PHF21A: variants seen among roughly 807,000 people sequenced by gnomAD.
PHF21A encodes the protein BHC80a.
A neutral mutation model predicts 82.5 loss-of-function variants in PHF21A; 11 were observed. The ratio of observed to expected loss-of-function variants is 0.13; its 90% confidence interval spans 0.08 to 0.22. The LOEUF (loss-of-function observed/expected upper bound fraction) is 0.22, where lower values mean the gene tolerates loss of function less well. Ranked by LOEUF, PHF21A falls within the 10% of genes least tolerant of loss-of-function variation. PHF21A has a pLI of 1.00. For missense variants in PHF21A, 579 were observed against 837.8 expected (o/e 0.69, Z 3.81); for synonymous variants, 297 against 302.8 (o/e 0.98, Z 0.20).
At chr11:46,109,943 T>A (rs1416451670) in intron 1 of PHF21A, among the ~76,000 whole-genome samples, 2 of 147,830 alleles carry the variant, frequency 1.4e-5, no homozygotes, top group Non-Finnish European at 3.0e-5. Flanking sequence ...ATGGCCCCCC[T>A]GCACTCCAGC....
intron 6 of PHF21A, among the ~76,000 whole-genome samples, chr11:45,985,159 C>G (rs1199043279): frequency 6.6e-6 from 1 of 151,922 alleles, no homozygotes; most frequent in Non-Finnish European, 1.5e-5. Flanking sequence ...AGAACTTACT[C>G]AAAGAGGAAA....
intron 6 of PHF21A, among the ~76,000 whole-genome samples, chr11:46,038,918 G>A (rs1592334155): frequency 6.6e-6 from 1 of 152,092 alleles, no homozygotes; most frequent in East Asian, 1.9e-4. Flanking sequence ...ATGAAACTTG[G>A]GGGACACATT....
At chr11:45,958,447 T>TACACACACACAC (rs1201890167) in intron 10 of PHF21A, among the ~76,000 whole-genome samples, 12 of 21,486 alleles carry the variant, frequency 5.6e-4, no homozygotes, top group African/African-American at 1.5e-3. Context: ...TATATATATA[T>TACACACACACAC]ATACACACAC....
intron 10 of PHF21A, among the ~76,000 whole-genome samples, chr11:45,956,507 G>A (rs2092650873): frequency 6.6e-6 from 1 of 152,066 alleles, no homozygotes; most frequent in Non-Finnish European, 1.5e-5. Context: ...TGAGGGTACA[G>A]TGCAGGTTTG....
chr11:46,078,526 T>C (rs2096754624), intron 5 of PHF21A, among the ~76,000 whole-genome samples: 1 of 152,100 alleles, frequency 6.6e-6, no homozygotes, highest in Non-Finnish European at 1.5e-5. Flanking sequence ...AAATAGAGAA[T>C]AAAATGCCTA....
At chr11:46,042,894 T>C (rs2096181097) in intron 6 of PHF21A, among the ~76,000 whole-genome samples, 1 of 151,896 alleles carries the variant, frequency 6.6e-6, no homozygotes, top group African/African-American at 2.4e-5. Flanking sequence ...GCCTCCAGAG[T>C]TGTAAGCAAT....
intron 6 of PHF21A, among the ~76,000 whole-genome samples, chr11:45,990,654 T>C (rs929719879): frequency 1.1e-4 from 17 of 152,136 alleles, no homozygotes; most frequent in African/African-American, 3.4e-4. Flanking sequence ...AGCAAAAGTA[T>C]TGACATGCAT....
rs941615240 is a variant in PHF21A at position 45,930,915 on chromosome 11, C to CCG, written c.*3052_*3053insCG. 1 of 150,556 alleles carries CCG rather than the reference C, an allele frequency of 6.6e-6. No individual in the cohort carries two copies. The highest frequency in any genetic ancestry group is 2.4e-5 in the African/African-American group (1 of 40,984). 9.3% of individuals were successfully genotyped at this position (150,556 alleles called of 1,614,324 possible). On this transcript the variant is annotated 3_prime_UTR_variant, in exon 19 of 19. Transcript: ENST00000676320. ...CTCAGGTGGTCACAGGCCCCCCCCCCTCCCCGCCCAGGTCTGAGGGGACAG... is the reference window on the plus strand; with the variant it reads ...CTCAGGTGGTCACAGGCCCCCCCCCCCGTCCCCGCCCAGGTCTGAGGGGACAG...
intron 10 of PHF21A, among the ~76,000 whole-genome samples, chr11:45,957,751 C>CAAAAAAAAAAAAAAAAAAAA: frequency 5.6e-4 from 34 of 60,902 alleles, no homozygotes; most frequent in Non-Finnish European, 7.0e-4. Flanking sequence ...AAATTCAAAG[C>CAAAAAAAAAAAAAAAAAAAA]AAAAAAAAAA....
chr11:45,941,635 T>C (rs1163929931), intron 15 of PHF21A, among the ~76,000 whole-genome samples: 1 of 152,172 alleles, frequency 6.6e-6, no homozygotes, highest in Non-Finnish European at 1.5e-5. Context: ...ATTTTACCCA[T>C]ACAGAACCGG....
intron 6 of PHF21A, among the ~76,000 whole-genome samples, chr11:46,025,021 C>T (rs2095711307): frequency 6.6e-6 from 1 of 152,154 alleles, no homozygotes; most frequent in South Asian, 2.1e-4. Context: ...CACCTCGCTT[C>T]TTAATCTTGT....
At chr11:45,958,646 GT>G (rs982118200) in intron 10 of PHF21A, among the ~76,000 whole-genome samples, 28 of 151,648 alleles carry the variant, frequency 1.8e-4, no homozygotes, top group African/African-American at 6.8e-4. Context: ...ACCAGGCTTG[GT>G]GTTCATGCCT....
At chr11:46,086,894 A>G (rs369700401) in intron 3 of PHF21A, among the ~76,000 whole-genome samples, 16 of 152,254 alleles carry the variant, frequency 1.1e-4, no homozygotes, top group African/African-American at 2.7e-4. Flanking sequence ...TCAAAAATTG[A>G]TAACAAAAAT....
intron 4 of PHF21A, among the ~76,000 whole-genome samples, chr11:46,082,051 A>G (rs1458257681): frequency 6.6e-6 from 1 of 152,238 alleles, no homozygotes. Flanking sequence ...AGGAGGAAAA[A>G]AGGCAATTTC....
At chr11:46,004,570 T>C (rs1260515634) in intron 6 of PHF21A, among the ~76,000 whole-genome samples, 1 of 152,224 alleles carries the variant, frequency 6.6e-6, no homozygotes, top group African/African-American at 2.4e-5. Context: ...ATATTCTCTA[T>C]TCTTTTCTTC....
intron 10 of PHF21A, among the ~76,000 whole-genome samples, chr11:45,959,091 G>C (rs1165665769): frequency 6.6e-6 from 1 of 152,120 alleles, no homozygotes; most frequent in Non-Finnish European, 1.5e-5. Flanking sequence ...CCCAAGAGTG[G>C]AAGGGTGGTT....
At chr11:46,109,780 G>C (rs1034842643) in intron 1 of PHF21A, among the ~76,000 whole-genome samples, 6 of 152,058 alleles carry the variant, frequency 3.9e-5, no homozygotes, top group Non-Finnish European at 8.8e-5. Flanking sequence ...TCAGGAGTTA[G>C]AGACCAGTCT....
chr11:45,988,495 T>C (rs566981581), intron 6 of PHF21A, among the ~76,000 whole-genome samples: 163 of 152,338 alleles, frequency 1.1e-3, no homozygotes, highest in Non-Finnish European at 1.9e-3. Flanking sequence ...GAAGTATTTT[T>C]AACAAAAGTA....
At chr11:45,968,799 A>G (rs974025765) in intron 9 of PHF21A, among the ~76,000 whole-genome samples, 7 of 151,954 alleles carry the variant, frequency 4.6e-5, no homozygotes, top group African/African-American at 1.7e-4. Context: ...GCGTGGTGGC[A>G]CATGCATGTA....
Sources: allele counts gnomAD v4.1 joint callset (sites outside exome capture counted in the v4.1 genomes callset), GRCh38; gene constraint gnomAD v4.1.1; transcripts MANE v1.5; gene names NCBI Gene and HGNC (gene_info 2026-07-23, HGNC 2026-07-21).